TGM5: variants seen among roughly 807,000 people sequenced by gnomAD.
TGM5 encodes the protein transglutaminase 5.
A neutral mutation model predicts 77.2 loss-of-function variants in TGM5; 69 were observed. That is an observed-to-expected ratio of 0.89 (90% CI 0.74 to 1.09). The LOEUF (loss-of-function observed/expected upper bound fraction) is 1.09. Among genes scored for constraint, TGM5 ranks in the 50% least tolerant of loss-of-function variants. The pLI, the probability that TGM5 is intolerant of heterozygous loss-of-function variation, is 0.00. For synonymous variants in TGM5, 346 were observed against 351.8 expected (o/e 0.98, Z 0.18); for missense variants, 842 against 896.5 (o/e 0.94, Z 0.78).
chr15:43,235,076 A>G, intron 10 of TGM5, 147 bp from the exon 11 acceptor site: 1 of 1,056,858 alleles, frequency 9.5e-7, no homozygotes, highest in Non-Finnish European at 1.4e-6. Context: ...AGATGAGGAA[A>G]TGAGCTGAAA....
At chr15:43,262,872 C>T (rs1290668711) in intron 1 of TGM5, among the ~76,000 whole-genome samples, 2 of 152,166 alleles carry the variant, frequency 1.3e-5, no homozygotes, top group Non-Finnish European at 2.9e-5. Context: ...ACTAGAGGTT[C>T]TAGCTAGGGC....
chr15:43,242,193 C>T (rs1253294478), intron 6 of TGM5, among the ~76,000 whole-genome samples: 3 of 152,218 alleles, frequency 2.0e-5, no homozygotes, highest in African/African-American at 7.2e-5. Context: ...GGTCACACAG[C>T]TAGTAAGAGG....
intron 3 of TGM5, among the ~76,000 whole-genome samples, chr15:43,258,965 C>T (rs1026864565): frequency 2.0e-5 from 3 of 152,156 alleles, no homozygotes; most frequent in Non-Finnish European, 2.9e-5. Flanking sequence ...GCATTCTCAG[C>T]CATTCGGGGA....
At chr15:43,259,027 T>A (rs553558145) in intron 3 of TGM5, among the ~76,000 whole-genome samples, 47 of 152,102 alleles carry the variant, frequency 3.1e-4, no homozygotes, top group African/African-American at 1.1e-3. Flanking sequence ...GGGCTCTGGG[T>A]CCTGATGTGA....
In TGM5 at chr15:43,260,161, C is replaced by T. The variant is rs1371623265; in HGVS notation, c.327G>A (p.Thr109=). 18 of 1,614,012 alleles carry T rather than the reference C, an allele frequency of 1.1e-5. No homozygotes were observed. Among genetic ancestry groups the T allele is most frequent in the Non-Finnish European group, 1.4e-5 (16 of 1,180,040 alleles). Residue 109 remains threonine (T), a synonymous_variant, in exon 3 of 13, where the codon ACG becomes ACA. Transcript: ENST00000220420. ...TCAAGAGGTACCGACCCACGGCCGC[C>T]GTGGGAGGAGCGCACAAGCTCACCT... is the stretch of plus-strand genomic sequence containing the variant. ...STEVSLCAPP[T]AAVGRYLLKI...
intron 6 of TGM5, among the ~76,000 whole-genome samples, chr15:43,248,268 G>T (rs1429606046): frequency 2.0e-5 from 3 of 152,124 alleles, no homozygotes; most frequent in Non-Finnish European, 4.4e-5. Context: ...CACTTCCCAG[G>T]TTCATGCCAT....
chr15:43,258,754 C>T (rs988233531), intron 3 of TGM5, among the ~76,000 whole-genome samples: 4 of 152,204 alleles, frequency 2.6e-5, no homozygotes, highest in African/African-American at 9.6e-5. Flanking sequence ...CCCCACCAAC[C>T]CTAGGCCCAG....
intron 3 of TGM5, among the ~76,000 whole-genome samples, chr15:43,257,465 A>C (rs1218145495): frequency 6.6e-6 from 1 of 152,252 alleles, no homozygotes; most frequent in Non-Finnish European, 1.5e-5. Flanking sequence ...CAGTTCAAAA[A>C]TATCTTAACA....
In TGM5 at chr15:43,260,101, C is replaced by G; in HGVS notation, c.387G>C (p.Thr129=). ...GGATGAACTCCCCTAGCTGGTAGGC[C>G]GTCACAGACCCCTGGAAGGAGTCGA... ...IHIDSFQGSV[T]AYQLGEFILL... Residue 129 remains threonine, a synonymous_variant, in exon 3 of 13, where the codon ACG becomes ACC. Transcript: ENST00000220420. 2 of 1,614,110 alleles carry G rather than the reference C, an allele frequency of 1.2e-6. No homozygotes were observed. Among genetic ancestry groups the G allele is most frequent in the Non-Finnish European group, 1.7e-6 (2 of 1,180,026 alleles).
chr15:43,257,788 T>C (rs2042752966), intron 3 of TGM5, among the ~76,000 whole-genome samples: 1 of 152,222 alleles, frequency 6.6e-6, no homozygotes, highest in East Asian at 1.9e-4. Context: ...CGTATGTTTA[T>C]TGTGGCACTA....
At chr15:43,261,368 C>T (rs1373419258) in intron 1 of TGM5, among the ~76,000 whole-genome samples, 1 of 152,066 alleles carries the variant, frequency 6.6e-6, no homozygotes, top group African/African-American at 2.4e-5. Context: ...GGATTACAGG[C>T]GTGAGCCACC....
At chr15:43,243,528 G>A (rs1307251479) in intron 6 of TGM5, among the ~76,000 whole-genome samples, 1 of 152,228 alleles carries the variant, frequency 6.6e-6, no homozygotes, top group Non-Finnish European at 1.5e-5. Flanking sequence ...AGAGGGGCAA[G>A]AATGGTTTCT....
chr15:43,239,380 G>A, intron 7 of TGM5, 114 bp from the exon 8 acceptor site: 1 of 1,077,794 alleles, frequency 9.3e-7, no homozygotes, highest in South Asian at 1.3e-5. Flanking sequence ...GCACACACAG[G>A]GCTTAAAACC....
At chr15:43,257,813 G>T (rs920488403) in intron 3 of TGM5, among the ~76,000 whole-genome samples, 3 of 152,158 alleles carry the variant, frequency 2.0e-5, no homozygotes, top group Non-Finnish European at 4.4e-5. Context: ...TAATAGCAAA[G>T]ACTTGGAACC....
chr15:43,247,375 C>A (rs992446733), intron 6 of TGM5, among the ~76,000 whole-genome samples: 4 of 151,852 alleles, frequency 2.6e-5, no homozygotes, highest in Non-Finnish European at 4.4e-5. Flanking sequence ...TTCAGAAATG[C>A]CAGAGACAAT....
chr15:43,257,475 A>C (rs2042750560), intron 3 of TGM5, among the ~76,000 whole-genome samples: 1 of 152,226 alleles, frequency 6.6e-6, no homozygotes, highest in South Asian at 2.1e-4. Context: ...ATATCTTAAC[A>C]TTAGGTTGGT....
intron 6 of TGM5, among the ~76,000 whole-genome samples, chr15:43,250,062 G>A (rs2042693836): frequency 6.6e-6 from 1 of 152,216 alleles, no homozygotes; most frequent in African/African-American, 2.4e-5. Context: ...GGGACTTGGT[G>A]CTGGATTAAT....
At chr15:43,262,604 G>A (rs1566837995) in intron 1 of TGM5, among the ~76,000 whole-genome samples, 2 of 152,028 alleles carry the variant, frequency 1.3e-5, no homozygotes, top group South Asian at 4.2e-4. Flanking sequence ...GGCTAAGATG[G>A]TGAAACCCTG....
rs141734428 is a variant in TGM5 at position 43,235,494 on chromosome 15, C to T, written c.1689G>A (p.Ala563=). The T allele has an allele frequency of 5.3e-4, 849 of 1,614,082 alleles. 4 individuals are homozygous for T. The highest frequency in any genetic ancestry group is 5.8e-4 in the Non-Finnish European group (681 of 1,180,014). ...CTTCTTTAGGAGAGAGTGTGATGAA[C>T]GCTGTGTCCTGCCAGAATGGGGACA... ...SPLSPFWQDT[A]FITLSPKEAK... is the part of the protein sequence containing the mutation. Residue 563 remains alanine (A), a synonymous_variant, in exon 10 of 13, where the codon GCG becomes GCA. Transcript: ENST00000220420.
Sources: gnomAD v4.1 joint callset for allele counts (sites outside exome capture counted in the v4.1 genomes callset) on GRCh38, gnomAD v4.1.1 for gene constraint, MANE v1.5 for transcripts, NCBI Gene and HGNC (gene_info 2026-07-23, HGNC 2026-07-21) for gene names.